Variants in OCIAD1 observed in about 807,000 individuals in gnomAD.
OCIAD1 encodes OCIA domain-containing protein 1.
A neutral mutation model predicts 38.9 loss-of-function variants in OCIAD1; 29 were observed. That is an observed-to-expected ratio of 0.74 (90% CI 0.55 to 1.02). The LOEUF (loss-of-function observed/expected upper bound fraction) is 1.02. Among genes scored for constraint, OCIAD1 ranks in the 50% least tolerant of loss-of-function variants. The pLI, the probability that OCIAD1 is intolerant of heterozygous loss-of-function variation, is 0.00. For synonymous variants in OCIAD1, 110 were observed against 92.0 expected, an observed-to-expected ratio of 1.20 and a Z score of -1.12; for missense variants, 288 against 289.6, an observed-to-expected ratio of 0.99 and a Z score of 0.04.
Position 48,848,466 on chromosome 4 carries a change from T to A in OCIAD1, c.241+20T>A. ...TTATACGTAAGTATGAACAACATTG[T>A]AGTTTTCATAGCTTTTTAAAACTTA... On this transcript the variant is annotated intron_variant, in intron 5 of 8. Transcript: ENST00000264312. 1 of 1,253,456 alleles carries A rather than the reference T, an allele frequency of 8.0e-7. No individual in the cohort carries two copies. The highest frequency in any genetic ancestry group is 1.1e-6 in the Non-Finnish European group (1 of 879,182). 77.6% of individuals were successfully genotyped at this position (1,253,456 alleles called of 1,614,324 possible).
chr4:48,811,595 G>A (rs1466799063), intron 1 of OCIAD1, among the ~76,000 whole-genome samples: 1 of 152,182 alleles, frequency 6.6e-6, no homozygotes, highest in Non-Finnish European at 1.5e-5. Flanking sequence ...AGGTTCCAGT[G>A]AGCCAAGATC....
intron 3 of OCIAD1, among the ~76,000 whole-genome samples, chr4:48,836,176 C>G (rs1777966882): frequency 6.6e-6 from 1 of 151,932 alleles, no homozygotes; most frequent in African/African-American, 2.4e-5. Context: ...TTGGCAGTAA[C>G]TTAGGCATAT....
At chr4:48,817,969 T>C (rs1012468304) in intron 1 of OCIAD1, among the ~76,000 whole-genome samples, 10 of 152,208 alleles carry the variant, frequency 6.6e-5, no homozygotes, top group Non-Finnish European at 1.2e-4. Flanking sequence ...GGGGTGGTTG[T>C]GGGCGCAGCT....
chr4:48,821,584 A>C (rs1391236800), intron 1 of OCIAD1, among the ~76,000 whole-genome samples: 4 of 152,212 alleles, frequency 2.6e-5, no homozygotes, highest in Non-Finnish European at 5.9e-5. Context: ...GTATTTAAAT[A>C]GGAAAAGAGG....
intron 2 of OCIAD1, 50 bp downstream of exon 2, chr4:48,832,732 A>AAT: frequency 7.4e-7 from 1 of 1,360,346 alleles, no homozygotes; most frequent in Non-Finnish European, 1.1e-6. Flanking sequence ...TATGTAAAGG[A>AAT]ATTTTCACTG....
At chr4:48,852,044 A>T (rs1779530206) in intron 7 of OCIAD1, 69 bp downstream of exon 7, 1 of 1,145,474 alleles carries the variant, frequency 8.7e-7, no homozygotes, top group Admixed American at 2.1e-5. Flanking sequence ...TTATTTGATG[A>T]CCTTTTCTGC....
intron 7 of OCIAD1, chr4:48,856,266 C>T (rs1235467942): frequency 1.3e-5 from 2 of 152,082 alleles, no homozygotes; most frequent in African/African-American, 2.4e-5. Context: ...TGTTAGTTCC[C>T]AGGCCAAAAT....
At chr4:48,836,657 G>A (rs2109528730) in intron 3 of OCIAD1, among the ~76,000 whole-genome samples, 1 of 152,306 alleles carries the variant, frequency 6.6e-6, no homozygotes, top group East Asian at 1.9e-4. Flanking sequence ...AGTACCCATG[G>A]ATAAGGGAAC....
At chr4:48,823,152 A>G (rs989944586) in intron 1 of OCIAD1, among the ~76,000 whole-genome samples, 7 of 152,196 alleles carry the variant, frequency 4.6e-5, no homozygotes, top group Non-Finnish European at 8.8e-5. Flanking sequence ...AATGCCCATC[A>G]ATGATAGACC....
rs776757576 is a variant in OCIAD1, at chr4:48,832,617, C to A, written c.-5-3C>A. 1.2e-6 allele frequency: 2 copies of A among 1,610,462 alleles called. No homozygotes were observed. Among genetic ancestry groups the A allele is most frequent in the Non-Finnish European group, 1.7e-6 (2 of 1,176,774 alleles). On this transcript the variant is annotated splice_region_variant and splice_polypyrimidine_tract_variant and intron_variant, in intron 1 of 8. Transcript: ENST00000264312. ...TACTTAATATGTAATGTTTTTGATA[C>A]AGGAAAGATGAATGGGAGGGCTGAT... is the stretch of plus-strand genomic sequence containing the variant.
chr4:48,813,131 T>C (rs1411014044), intron 1 of OCIAD1, among the ~76,000 whole-genome samples: 4 of 152,172 alleles, frequency 2.6e-5, no homozygotes, highest in African/African-American at 4.8e-5. Flanking sequence ...GATGTCAAGT[T>C]AAGAGCCTGT....
chr4:48,844,423 G>T (rs1299236736), intron 4 of OCIAD1, among the ~76,000 whole-genome samples: 2 of 152,034 alleles, frequency 1.3e-5, no homozygotes, highest in Non-Finnish European at 2.9e-5. Flanking sequence ...AGACCGTCCT[G>T]GCCAACATGA....
At chr4:48,812,532 A>G (rs1777100702) in intron 1 of OCIAD1, among the ~76,000 whole-genome samples, 1 of 151,998 alleles carries the variant, frequency 6.6e-6, no homozygotes, top group Admixed American at 6.6e-5. Context: ...AGGGGGCCAA[A>G]TTTTGGAACA....
chr4:48,851,684 A>T (rs1402113955), intron 6 of OCIAD1, 122 bp from the exon 7 acceptor site: 2 of 480,102 alleles, frequency 4.2e-6, no homozygotes, highest in Non-Finnish European at 7.1e-6. Context: ...TCAAAAAAAT[A>T]AAAAAAATTA....
chr4:48,819,814 G>C (rs1273577026), intron 1 of OCIAD1, among the ~76,000 whole-genome samples: 2 of 144,074 alleles, frequency 1.4e-5, no homozygotes, highest in East Asian at 4.1e-4. Context: ...AGACAAAGAA[G>C]GGCATTACAT....
chr4:48,811,137 G>A (rs1379695508), intron 1 of OCIAD1, among the ~76,000 whole-genome samples: 4 of 151,974 alleles, frequency 2.6e-5, no homozygotes, highest in Admixed American at 6.6e-5. Context: ...CATTACAGGC[G>A]TGAACCATTG....
At chr4:48,846,603 C>T (rs1339921349) in intron 4 of OCIAD1, among the ~76,000 whole-genome samples, 1 of 152,098 alleles carries the variant, frequency 6.6e-6, no homozygotes, top group Non-Finnish European at 1.5e-5. Flanking sequence ...AAAAAATTAA[C>T]TGGGCATGGT....
upstream of OCIAD1, among the ~76,000 whole-genome samples, chr4:48,826,692 A>C (rs1349966235): frequency 6.6e-6 from 1 of 152,194 alleles, no homozygotes; most frequent in African/African-American, 2.4e-5. Flanking sequence ...AAATATGTAC[A>C]ATTATTATGT....
chr4:48,806,389 T>G (rs151033885), intron 1 of OCIAD1, among the ~76,000 whole-genome samples: 1,833 of 152,338 alleles, frequency 0.012, 77 homozygotes, highest in Admixed American at 0.088. Flanking sequence ...TAGTTTTCAT[T>G]CTTTTCCAAA....
Sources: gnomAD v4.1 joint callset for allele counts (sites outside exome capture counted in the v4.1 genomes callset) on GRCh38, gnomAD v4.1.1 for gene constraint, MANE v1.5 for transcripts, NCBI Gene and HGNC (gene_info 2026-07-23, HGNC 2026-07-21) for gene names.